The following MYO6 variants were observed in gnomAD, a reference collection of about 807,000 sequenced individuals.
MYO6 encodes myosin VI.
In MYO6, 74 loss-of-function variants were observed where a neutral mutation model predicts 178.7. The observed-to-expected ratio is 0.41, with a 90% CI of 0.34 to 0.50. MYO6 has a LOEUF of 0.50. Among genes scored for constraint, MYO6 ranks in the 20% least tolerant of loss-of-function variants. MYO6 has a pLI of 0.09. For synonymous variants in MYO6, 477 were observed against 504.6 expected, an observed-to-expected ratio of 0.95 and a Z score of 0.73; for missense variants, 1,330 against 1,547.4, an observed-to-expected ratio of 0.86 and a Z score of 2.36.
intron 1 of MYO6, among the ~76,000 whole-genome samples, chr6:75,804,745 T>G (rs1769832069): frequency 6.6e-6 from 1 of 151,918 alleles, no homozygotes; most frequent in Non-Finnish European, 1.5e-5. Flanking sequence ...TTGGAAGGAT[T>G]CTGTTTGCCA....
At position 75,848,419 on chromosome 6, in the gene MYO6, G is replaced by A. The variant is rs375754710; in HGVS notation, c.966G>A (p.Thr322=). ...ATGGTGATTTTATTAGAATGTGCACGGCTATGAAAAAAATTGGTTTGGATG... is the reference window on the plus strand; with the variant it reads ...ATGGTGATTTTATTAGAATGTGCACAGCTATGAAAAAAATTGGTTTGGATG... ...DDHGDFIRMC[T]AMKKIGLDDE... The change falls in exon 11 of 35, where the codon ACG becomes ACA. Residue 322 remains threonine, a synonymous_variant. Transcript: ENST00000369977. 3.2e-5 allele frequency: 51 copies of A among 1,613,562 alleles called. No individual in the cohort carries two copies. The highest frequency in any genetic ancestry group is 5.0e-5 in the Admixed American group (3 of 59,958).
At position 75,857,268 on chromosome 6, in the gene MYO6, C is replaced by G. The variant is rs1406586495; in HGVS notation, c.1381+14C>G. 1.9e-6 allele frequency: 3 copies of G among 1,609,012 alleles called. No homozygotes were observed. The highest frequency in any genetic ancestry group is 1.1e-5 in the South Asian group (1 of 90,950). On this transcript the variant is annotated intron_variant, in intron 13 of 34. Coordinates refer to ENST00000369977, the MANE Select transcript of MYO6 (RefSeq NM_004999.4). ...TTGCTGGTTTTGGTAAGTAGAGTTTCTTTTGTGAGTATATATTTGTTTCAT... is the reference window on the plus strand; with the variant it reads ...TTGCTGGTTTTGGTAAGTAGAGTTTGTTTTGTGAGTATATATTTGTTTCAT...
chr6:75,837,831 G>A (rs938308649), intron 7 of MYO6, among the ~76,000 whole-genome samples: 6 of 152,052 alleles, frequency 3.9e-5, no homozygotes, highest in Non-Finnish European at 8.8e-5. Flanking sequence ...TTACTTTAGC[G>A]AGGGAGTCGT....
In MYO6 at chr6:75,866,943, G is replaced by C. The variant is rs1313342067; in HGVS notation, c.1782G>C (p.Val594=). ...GATTTATTTTTCAGACCCAGTTTGT[G>C]GAGAAAAATAATGATGCTTTACATA... The part of the protein sequence containing the change: ...GAVCYETTQF[V]EKNNDALHMS... Residue 594 remains valine, a synonymous_variant, in exon 18 of 35, where the codon GTG becomes GTC. Coordinates refer to ENST00000369977, the MANE Select transcript of MYO6 (RefSeq NM_004999.4). The C allele has an allele frequency of 1.2e-6, 2 of 1,613,608 alleles. No homozygotes were observed. Among genetic ancestry groups the C allele is most frequent in the Non-Finnish European group, 1.7e-6 (2 of 1,179,822 alleles).
chr6:75,903,842 G>T (rs1202318397), intron 30 of MYO6, among the ~76,000 whole-genome samples: 1 of 151,536 alleles, frequency 6.6e-6, no homozygotes, highest in Non-Finnish European at 1.5e-5. Context: ...TTACATTTTG[G>T]CATGATTTTG....
intron 30 of MYO6, among the ~76,000 whole-genome samples, chr6:75,903,993 G>A (rs1221549811): frequency 6.6e-6 from 1 of 151,898 alleles, no homozygotes; most frequent in African/African-American, 2.4e-5. Context: ...ATGAAGCTTA[G>A]TTTGGCTGGA....
chr6:75,805,508 T>TCC (rs1288893023), intron 1 of MYO6, among the ~76,000 whole-genome samples: 4 of 152,152 alleles, frequency 2.6e-5, no homozygotes, highest in African/African-American at 9.7e-5. Context: ...ATAAGTTTGC[T>TCC]CCCCAGGGAG....
chr6:75,848,694 A>C (rs967727718), intron 11 of MYO6, among the ~76,000 whole-genome samples, 163 bp downstream of exon 11: 4 of 145,110 alleles, frequency 2.8e-5, no homozygotes, highest in Non-Finnish European at 1.5e-5. Context: ...AGAATGTTTC[A>C]TTATCAGTCA....
At chr6:75,774,454 G>A (rs1766180741) in intron 1 of MYO6, among the ~76,000 whole-genome samples, 1 of 151,994 alleles carries the variant, frequency 6.6e-6, no homozygotes, top group African/African-American at 2.4e-5. Flanking sequence ...CCACTAAATT[G>A]CTGATATTCA....
intron 28 of MYO6, chr6:75,894,966 A>G: frequency 1.4e-6 from 1 of 730,302 alleles, no homozygotes; most frequent in Non-Finnish European, 2.1e-6. Flanking sequence ...TCCAGATTCT[A>G]TTAAAAACAA....
At chr6:75,801,416 G>T in intron 1 of MYO6, among the ~76,000 whole-genome samples, 1 of 152,120 alleles carries the variant, frequency 6.6e-6, no homozygotes, top group Admixed American at 6.5e-5. Flanking sequence ...TGGGTGAGTA[G>T]CGACTGGTTT....
At chr6:75,899,667 A>T (rs1197827558) in intron 30 of MYO6, among the ~76,000 whole-genome samples, 1 of 151,816 alleles carries the variant, frequency 6.6e-6, no homozygotes, top group African/African-American at 2.4e-5. Flanking sequence ...TTTTAATCAT[A>T]AAAATACGGG....
chr6:75,907,095 G>A (rs935976315), intron 30 of MYO6, among the ~76,000 whole-genome samples: 1 of 152,214 alleles, frequency 6.6e-6, no homozygotes, highest in Non-Finnish European at 1.5e-5. Context: ...TAAACATCCA[G>A]AGGCCCAGGG....
At position 75,822,833 on chromosome 6, in the gene MYO6, A is replaced by G; in HGVS notation, c.169A>G (p.Lys57Glu). 1.2e-6 allele frequency: 2 copies of G among 1,613,220 alleles called. No individual in the cohort carries two copies. Among genetic ancestry groups the G allele is most frequent in the Non-Finnish European group, 1.7e-6 (2 of 1,179,406 alleles). Residue 57 changes from lysine (K) to glutamate (E), a missense_variant, in exon 3 of 35, where the codon AAA becomes GAA. Lys to Glu is a moderately conservative substitution (Grantham distance 56). Around this residue, in one of 3 missense-constraint regions of MYO6, gnomAD observed 116 missense variants for 104.6 expected, o/e 1.11. Transcript: ENST00000369977. Reference sequence around the variant, plus strand: ...GTTTCCTGCAGAAGAGGACAGTAAAAAAGATGTGGAAGATAACTGTAAGTA... The same window carrying G: ...GTTTCCTGCAGAAGAGGACAGTAAAGAAGATGTGGAAGATAACTGTAAGTA... The part of the protein sequence containing the change: ...QVFPAEEDSK[K>E]DVEDNCSLMY...
rs1295595638 is a variant in MYO6, at chr6:75,919,303, T to C, written c.*4291T>C. On this transcript the variant is annotated 3_prime_UTR_variant, in exon 35 of 35. Transcript: ENST00000369977. ...ACTTTCTGGAGTCTCCAATGTCGGT[T>C]ATTCCACTCTTTATGTCCATATCTA... 6.6e-6 allele frequency: 1 copy of C among 151,944 alleles called. No individual in the cohort carries two copies. Among genetic ancestry groups the C allele is most frequent in the African/African-American group, 2.4e-5 (1 of 41,318 alleles). 9.4% of individuals were successfully genotyped at this position (151,944 alleles called of 1,614,324 possible).
chr6:75,870,592 G>T lies in MYO6; in HGVS notation c.1945-55G>T. On this transcript the variant is annotated intron_variant, in intron 18 of 34. Transcript: ENST00000369977. Reference sequence around the variant, plus strand: ...TACTGGAGAGCTAATATTAACTCATGACACTGTGTACTTTGGCTTTTTGAA... The same window carrying T: ...TACTGGAGAGCTAATATTAACTCATTACACTGTGTACTTTGGCTTTTTGAA... The T allele has an allele frequency of 2.9e-6, 4 of 1,378,718 alleles. No individual in the cohort carries two copies. The South Asian group carries it at 3.5e-5, about 12-fold the overall frequency. 85.4% of individuals were successfully genotyped at this position (1,378,718 alleles called of 1,614,324 possible). A position where few individuals can be genotyped will look rare whatever the true frequency, so the allele number is the denominator to read the frequency against.
intron 1 of MYO6, among the ~76,000 whole-genome samples, chr6:75,775,816 G>A (rs1766324149): frequency 6.6e-6 from 1 of 152,210 alleles, no homozygotes; most frequent in Admixed American, 6.5e-5. Context: ...TGCAGGGATG[G>A]AAAGTGGCTT....
At chr6:75,784,760 G>C (rs545183834) in intron 1 of MYO6, among the ~76,000 whole-genome samples, 22 of 125,778 alleles carry the variant, frequency 1.7e-4, no homozygotes, top group Middle Eastern at 5.9e-3. Context: ...CTGGGCAACA[G>C]AGTGAGACTC....
intron 1 of MYO6, among the ~76,000 whole-genome samples, chr6:75,784,162 G>A (rs970662566): frequency 5.3e-5 from 8 of 151,864 alleles, no homozygotes; most frequent in Middle Eastern, 3.4e-3. Context: ...TAGTAGAGAC[G>A]GGGTTTCACC....
Sources: allele counts gnomAD v4.1 joint callset (sites outside exome capture counted in the v4.1 genomes callset), GRCh38; gene constraint gnomAD v4.1.1; regional missense constraint gnomAD v4.1.1; transcripts MANE v1.5; gene names NCBI Gene and HGNC (gene_info 2026-07-23, HGNC 2026-07-21).